Variants in ESRRG observed in about 807,000 individuals in gnomAD.
ESRRG encodes estrogen related receptor gamma, also known as estrogen-related receptor gamma.
A neutral mutation model predicts 44.0 loss-of-function variants in ESRRG; 13 were observed. The ratio of observed to expected loss-of-function variants is 0.30; its 90% CI spans 0.19 to 0.47. The LOEUF (loss-of-function observed/expected upper bound fraction) is 0.47, where lower values mean the gene tolerates loss of function less well. Ranked by LOEUF, ESRRG falls within the 20% of genes least tolerant of loss-of-function variation. The pLI is 1.00. For synonymous variants in ESRRG, 215 were observed against 214.6 expected (o/e 1.00, Z -0.02); for missense variants, 395 against 580.6 (o/e 0.68, Z 3.29).
intron 2 of ESRRG, among the ~76,000 whole-genome samples, chr1:216,928,619 C>T (rs149247672): frequency 1.7e-3 from 260 of 152,232 alleles, no homozygotes; most frequent in African/African-American, 5.6e-3. Flanking sequence ...CAGCTGCATG[C>T]CACTGACCAT....
At chr1:217,039,648 G>A (rs938043518) in intron 1 of ESRRG, among the ~76,000 whole-genome samples, 2 of 152,184 alleles carry the variant, frequency 1.3e-5, no homozygotes, top group African/African-American at 4.8e-5. Flanking sequence ...GGAGCCACAA[G>A]ATAAGATTTG....
intron 2 of ESRRG, among the ~76,000 whole-genome samples, chr1:216,786,759 C>T (rs116511949): frequency 1.3e-5 from 2 of 152,024 alleles, no homozygotes; most frequent in African/African-American, 4.8e-5. Context: ...TGGAGTTAGC[C>T]AGGTAATATT....
At chr1:216,751,800 T>G (rs2092036184) in intron 2 of ESRRG, among the ~76,000 whole-genome samples, 1 of 150,592 alleles carries the variant, frequency 6.6e-6, no homozygotes, top group Non-Finnish European at 1.5e-5. Context: ...AGACTGTTTA[T>G]CGTATTAGAT....
chr1:216,671,320 G>A (rs2075123381), intron 2 of ESRRG, among the ~76,000 whole-genome samples: 1 of 152,172 alleles, frequency 6.6e-6, no homozygotes, highest in South Asian at 2.1e-4. Flanking sequence ...TCACCTAAAT[G>A]CCTCCAATCA....
chr1:216,526,139 G>A (rs1430655495), intron 5 of ESRRG, among the ~76,000 whole-genome samples: 1 of 152,074 alleles, frequency 6.6e-6, no homozygotes, highest in Non-Finnish European at 1.5e-5. Context: ...ATAGTGAGGG[G>A]AACTATAACT....
chr1:217,012,904 T>C (rs1407642291), intron 1 of ESRRG, among the ~76,000 whole-genome samples: 1 of 152,172 alleles, frequency 6.6e-6, no homozygotes, highest in Non-Finnish European at 1.5e-5. Flanking sequence ...AACTCAGAAG[T>C]TCAAAATCAA....
chr1:216,803,711 G>C (rs953511892), intron 2 of ESRRG, among the ~76,000 whole-genome samples: 1 of 151,966 alleles, frequency 6.6e-6, no homozygotes, highest in Non-Finnish European at 1.5e-5. Flanking sequence ...CGAGCCCTTC[G>C]TGTGATTAAT....
intron 1 of ESRRG, among the ~76,000 whole-genome samples, chr1:217,045,226 TAGG>T (rs1183974435): frequency 6.6e-6 from 1 of 152,178 alleles, no homozygotes; most frequent in Non-Finnish European, 1.5e-5. Context: ...CACATTAATA[TAGG>T]AGGATTCTCA....
At chr1:217,051,038 G>A (rs554779900) in intron 1 of ESRRG, among the ~76,000 whole-genome samples, 3 of 152,146 alleles carry the variant, frequency 2.0e-5, no homozygotes, top group African/African-American at 7.2e-5. Flanking sequence ...CACATAGACT[G>A]ACAAAGGGAA....
At chr1:216,803,389 T>C (rs749787002) in intron 2 of ESRRG, among the ~76,000 whole-genome samples, 1 of 152,156 alleles carries the variant, frequency 6.6e-6, no homozygotes, top group African/African-American at 2.4e-5. Flanking sequence ...GTTCAGACTC[T>C]TGAGTGTCCC....
chr1:216,983,675 CGTGCAT>C (rs1560360544), intron 1 of ESRRG, among the ~76,000 whole-genome samples: 1 of 107,520 alleles, frequency 9.3e-6, no homozygotes, highest in African/African-American at 3.8e-5. Context: ...ATCCCTTTCG[CGTGCAT>C]GTGCATGTGT....
Position 216,504,562 on chromosome 1 carries a change from G to C in ESRRG, c.*2377C>G, listed in dbSNP as rs558015450. On this transcript the variant is annotated 3_prime_UTR_variant, in exon 7 of 7. Transcript: ENST00000408911. ...TGGGTTGATGTTTCATCAACCCAAGGTATTTTGTTTAAAGCACACAAAGTA... is the reference window on the plus strand; with the variant it reads ...TGGGTTGATGTTTCATCAACCCAAGCTATTTTGTTTAAAGCACACAAAGTA... The C allele has an allele frequency of 2.2e-4, 33 of 152,490 alleles. No individual in the cohort carries two copies. The highest frequency in any genetic ancestry group is 7.7e-4 in the African/African-American group (32 of 41,416). 9.4% of individuals were successfully genotyped at this position (152,490 alleles called of 1,614,324 possible).
intron 1 of ESRRG, among the ~76,000 whole-genome samples, chr1:217,122,982 G>A (rs532078834): frequency 1.1e-4 from 17 of 152,032 alleles, no homozygotes; most frequent in East Asian, 3.9e-4. Flanking sequence ...GTGAGCCACC[G>A]CGCCCAGCCA....
At chr1:216,653,151 T>C (rs1186488796) in intron 2 of ESRRG, among the ~76,000 whole-genome samples, 1 of 152,206 alleles carries the variant, frequency 6.6e-6, no homozygotes, top group African/African-American at 2.4e-5. Context: ...ATAATCATCA[T>C]TCTTTTAAAA....
At chr1:216,662,626 T>TTG (rs559026769) in intron 2 of ESRRG, among the ~76,000 whole-genome samples, 4 of 150,878 alleles carry the variant, frequency 2.7e-5, no homozygotes, top group African/African-American at 9.8e-5. Context: ...GCAGGGAGAG[T>TTG]GGGGGGGTTC....
chr1:216,906,943 T>C (rs1227803946), intron 2 of ESRRG, among the ~76,000 whole-genome samples: 4 of 152,210 alleles, frequency 2.6e-5, no homozygotes, highest in Non-Finnish European at 5.9e-5. Flanking sequence ...ATGTTTTTTG[T>C]ATATATTGAT....
intron 1 of ESRRG, among the ~76,000 whole-genome samples, chr1:217,006,539 T>A (rs2789569): frequency 0.5 from 75,582 of 151,822 alleles, 19,985 homozygotes; most frequent in East Asian, 0.74. Context: ...AGTATCCCTT[T>A]TCCAAAATGC....
intron 2 of ESRRG, among the ~76,000 whole-genome samples, chr1:216,732,615 G>A (rs1020244594): frequency 2.0e-5 from 3 of 151,838 alleles, no homozygotes; most frequent in Non-Finnish European, 4.4e-5. Context: ...GACCTCAGCT[G>A]ATCTGCCCTA....
intron 2 of ESRRG, among the ~76,000 whole-genome samples, chr1:216,672,513 A>G: frequency 6.6e-6 from 1 of 152,190 alleles, no homozygotes; most frequent in East Asian, 1.9e-4. Context: ...TTTAAGAAGT[A>G]TTTTTCCCAA....
Sources: gnomAD v4.1 joint callset for allele counts (sites outside exome capture counted in the v4.1 genomes callset) on GRCh38, gnomAD v4.1.1 for gene constraint, MANE v1.5 for transcripts, NCBI Gene and HGNC (gene_info 2026-07-23, HGNC 2026-07-21) for gene names.